Variants in UBE2O observed in about 807,000 individuals in gnomAD.
UBE2O encodes ubiquitin conjugating enzyme E2 O.
A neutral mutation model predicts 125.8 loss-of-function variants in UBE2O; 15 were observed. That is an observed-to-expected ratio of 0.12 (90% CI 0.08 to 0.18). The LOEUF (loss-of-function observed/expected upper bound fraction) is 0.18. Among genes scored for constraint, UBE2O ranks in the 10% least tolerant of loss-of-function variants. The pLI is 1.00. For synonymous variants in UBE2O, 708 were observed against 703.2 expected, an observed-to-expected ratio of 1.01 and a Z score of -0.11; for missense variants, 1,280 against 1,723.6, an observed-to-expected ratio of 0.74 and a Z score of 4.56.
chr17:76,400,979 A>G lies in UBE2O; in HGVS notation c.894+32T>C. On this transcript the variant is annotated intron_variant, in intron 6 of 17. Transcript: ENST00000319380. The surrounding 1 kb of genome is among the most constrained non-coding windows in gnomAD (Gnocchi z 4.3). ...CAGCTCCAGGGTGTGGAGGTCAAGG[A>G]CTCCATCTCCTACCCTTGGGCCCGG... The G allele has an allele frequency of 6.2e-7, 1 of 1,611,136 alleles. No homozygotes were observed. Among genetic ancestry groups the G allele is most frequent in the Non-Finnish European group, 8.5e-7 (1 of 1,178,922 alleles).
rs143645638 is a variant in UBE2O, at chr17:76,402,946, C to T, written c.589-247G>A. ...TGGTGGTGGGGCTGCCTGGAGGGAACGGGGTGGGTGATGCAGGGGCAGAGA... is the reference window on the plus strand; with the variant it reads ...TGGTGGTGGGGCTGCCTGGAGGGAATGGGGTGGGTGATGCAGGGGCAGAGA... On this transcript the variant is annotated intron_variant, in intron 3 of 17. Coordinates refer to ENST00000319380, the MANE Select transcript of UBE2O (RefSeq NM_022066.4). This position sits in a 1 kb window ranked among gnomAD's most constrained non-coding sequence, Gnocchi z 5.4. Among the ~76,000 whole-genome samples, 20 of 152,028 alleles carry T rather than the reference C, an allele frequency of 1.3e-4. No individual in the cohort carries two copies. The East Asian group carries it at 3.1e-3, about 24-fold the overall frequency.
At chr17:76,440,599 AT>A (rs1484832463) in intron 1 of UBE2O, among the ~76,000 whole-genome samples, 1 of 152,172 alleles carries the variant, frequency 6.6e-6, no homozygotes, top group African/African-American at 2.4e-5. Flanking sequence ...AAGTGTTGGG[AT>A]TATAGCCATG....
intron 1 of UBE2O, among the ~76,000 whole-genome samples, chr17:76,444,907 G>A (rs534828278): frequency 6.6e-6 from 1 of 152,170 alleles, no homozygotes; most frequent in Non-Finnish European, 1.5e-5. Context: ...CCCTGGAGAC[G>A]TATTTGTGTG....
In UBE2O at chr17:76,423,721, T is replaced by TAAAA. The variant is rs1167864747; in HGVS notation, c.418-18150_418-18149insTTTT. ...ATAAATAAATAAATAAATAAATAAA[T>TAAAA]AAATAAAAAATAAGGTCAGGCAGGA... is the stretch of plus-strand genomic sequence containing the variant. On this transcript the variant is annotated intron_variant, in intron 1 of 17. Transcript: ENST00000319380. 3.4e-3 allele frequency among the ~76,000 whole-genome samples: 507 copies of TAAAA among 147,420 alleles called. 2 individuals carry two copies. Among genetic ancestry groups the TAAAA allele is most frequent in the Middle Eastern group, 0.024 (7 of 290 alleles).
intron 1 of UBE2O, among the ~76,000 whole-genome samples, chr17:76,407,389 C>T (rs750185602): frequency 4.6e-5 from 7 of 152,348 alleles, no homozygotes; most frequent in South Asian, 2.1e-4. Flanking sequence ...CTCTGAGATA[C>T]GGCATTTTTT....
chr17:76,421,081 C>G (rs1434310208), intron 1 of UBE2O, among the ~76,000 whole-genome samples: 2 of 152,108 alleles, frequency 1.3e-5, no homozygotes, highest in Non-Finnish European at 2.9e-5. Flanking sequence ...GGAAAGTGAA[C>G]AGGACTCAGC....
Position 76,401,101 on chromosome 17 carries a change from GC to G in UBE2O, c.803del (p.Gly268AlafsTer35). The part of the protein sequence containing the change: ...YGFYPGQVLI[G>X]PAKIFSSVQW... ...GGACGCTGGAGAAGATCTTGGCAGG[GC>G]CAATGAGCACCTGGCCTGGGTAGAA... On this transcript the variant is annotated frameshift_variant, in exon 6 of 18. Coordinates refer to ENST00000319380, the MANE Select transcript of UBE2O (RefSeq NM_022066.4). LOFTEE classifies it high-confidence loss of function. 1 of 1,613,834 alleles carries G rather than the reference GC, an allele frequency of 6.2e-7. No homozygotes were observed. The highest frequency in any genetic ancestry group is 8.5e-7 in the Non-Finnish European group (1 of 1,180,028).
At position 76,399,912 on chromosome 17, in the gene UBE2O, G is replaced by A. The variant is rs2072287868; in HGVS notation, c.1165C>T (p.Leu389=). The part of the protein sequence containing the change: ...EGSMAKKVKR[L]LKKQVVRIMS... ...ATCCGCACAACCTGCTTCTTCAACA[G>A]GCGCTTCACCTGCAAGGGCGGAGCA... Residue 389 remains leucine (L), a synonymous_variant, in exon 9 of 18, where the codon CTG becomes TTG. Transcript: ENST00000319380. This position sits in a 1 kb window ranked among gnomAD's most constrained non-coding sequence, Gnocchi z 6.9. The A allele has an allele frequency of 1.2e-6, 2 of 1,602,906 alleles. No homozygotes were observed. The highest frequency in any genetic ancestry group is 1.7e-6 in the Non-Finnish European group (2 of 1,174,430).
At chr17:76,392,679 G>A (rs535997206) in intron 15 of UBE2O, among the ~76,000 whole-genome samples, 16 of 152,200 alleles carry the variant, frequency 1.1e-4, no homozygotes, top group Admixed American at 9.8e-4. Flanking sequence ...CCAGCTGGGC[G>A]CGGTGGTTCG....
chr17:76,415,113 C>T (rs1345812054), intron 1 of UBE2O, among the ~76,000 whole-genome samples: 2 of 152,186 alleles, frequency 1.3e-5, no homozygotes, highest in East Asian at 1.9e-4. Flanking sequence ...CTGTGGCTGC[C>T]GGGCATCCCT....
Position 76,395,396 on chromosome 17 carries a change from G to A in UBE2O, c.2946+329C>T, listed in dbSNP as rs2072189242. 5.5e-6 allele frequency: 1 copy of A among 181,314 alleles called. No homozygotes were observed. The highest frequency in any genetic ancestry group is 2.4e-5 in the African/African-American group (1 of 41,768). 11.2% of individuals were successfully genotyped at this position (181,314 alleles called of 1,614,324 possible). On this transcript the variant is annotated intron_variant, in intron 15 of 17. Coordinates refer to ENST00000319380, the MANE Select transcript of UBE2O (RefSeq NM_022066.4). The surrounding 1 kb of genome is among the most constrained non-coding windows in gnomAD (Gnocchi z 5.0). ...TTTAGTGGAGACGGGGTTTCACTGT[G>A]TTAGCCAGGATGGTCTCGATCTCCT...
rs1355212786 is a variant in UBE2O at position 76,410,541 on chromosome 17, AGAGAAGGT to A, written c.418-4977_418-4970del. ...CAGGTGCTGAGACCCGAACAATGGC[AGAGAAGGT>A]GGGTCTGCGGACCAGCCTCTGGATA... is the stretch of plus-strand genomic sequence containing the variant. On this transcript the variant is annotated intron_variant, in intron 1 of 17. Coordinates refer to ENST00000319380, the MANE Select transcript of UBE2O (RefSeq NM_022066.4). This position sits in a 1 kb window ranked among gnomAD's most constrained non-coding sequence, Gnocchi z 4.0. Among the ~76,000 whole-genome samples, 2 of 152,228 alleles carry A rather than the reference AGAGAAGGT, an allele frequency of 1.3e-5. No individual in the cohort carries two copies. Among genetic ancestry groups the A allele is most frequent in the African/African-American group, 4.8e-5 (2 of 41,456 alleles).
rs536206021 is a variant in UBE2O at position 76,417,984 on chromosome 17, G to C, written c.418-12412C>G. ...CTGCTGTTGTGCCTTGGGAGAAGTG[G>C]AGGTGGAGAAGTGGGCAGATGAGGT... On this transcript the variant is annotated intron_variant, in intron 1 of 17. Transcript: ENST00000319380. 9.9e-5 allele frequency among the ~76,000 whole-genome samples: 15 copies of C among 152,258 alleles called. No individual in the cohort carries two copies. In the South Asian group the frequency reaches 3.1e-3, roughly 32 times the overall value.
chr17:76,409,860 G>T (rs962645455), intron 1 of UBE2O, among the ~76,000 whole-genome samples: 1 of 152,158 alleles, frequency 6.6e-6, no homozygotes, highest in Non-Finnish European at 1.5e-5. Context: ...CCTGCAGGGG[G>T]GATGCAGACA....
intron 1 of UBE2O, among the ~76,000 whole-genome samples, chr17:76,438,323 T>A (rs572328133): frequency 6.6e-6 from 1 of 152,122 alleles, no homozygotes; most frequent in Non-Finnish European, 1.5e-5. Flanking sequence ...TAAAAATGGT[T>A]AAAATGGTAA....
chr17:76,429,535 C>A (rs2072868450), intron 1 of UBE2O, among the ~76,000 whole-genome samples: 1 of 90,954 alleles, frequency 1.1e-5, no homozygotes, highest in Non-Finnish European at 2.0e-5. Context: ...GAGTGAGACT[C>A]TGTCTCAAAA....
At position 76,399,330 on chromosome 17, in the gene UBE2O, G is replaced by A; in HGVS notation, c.1628+119C>T. ...TACGTTGTCTCGGGTGGGAGCCCCG[G>A]AGCCACTACAAGGCATGCAGAGGTG... On this transcript the variant is annotated intron_variant, in intron 9 of 17. Coordinates refer to ENST00000319380, the MANE Select transcript of UBE2O (RefSeq NM_022066.4). This position sits in a 1 kb window ranked among gnomAD's most constrained non-coding sequence, Gnocchi z 6.9. 9.9e-7 allele frequency: 1 copy of A among 1,012,128 alleles called. No homozygotes were observed. Among genetic ancestry groups the A allele is most frequent in the Non-Finnish European group, 1.4e-6 (1 of 698,946 alleles). The allele number at this position is 1,012,128 out of a possible 1,614,324, so 62.7% of individuals were successfully genotyped here.
At chr17:76,393,562 A>G (rs1380258008) in intron 15 of UBE2O, among the ~76,000 whole-genome samples, 1 of 151,992 alleles carries the variant, frequency 6.6e-6, no homozygotes, top group African/African-American at 2.4e-5. Flanking sequence ...AAAACAAAAC[A>G]ATTCCTCTAA....
At chr17:76,443,696 G>A (rs1157926022) in intron 1 of UBE2O, among the ~76,000 whole-genome samples, 1 of 152,018 alleles carries the variant, frequency 6.6e-6, no homozygotes, top group Non-Finnish European at 1.5e-5. Flanking sequence ...GAGCTATCAA[G>A]TAAGCAGCTG....
Sources: gnomAD v4.1 joint callset for allele counts (sites outside exome capture counted in the v4.1 genomes callset) on GRCh38, gnomAD v4.1.1 for gene constraint, Gnocchi (gnomAD v3.1) non-coding constraint, MANE v1.5 for transcripts, NCBI Gene and HGNC (gene_info 2026-07-23, HGNC 2026-07-21) for gene names.